The following CAB39L variants were observed in gnomAD, a reference collection of about 807,000 sequenced individuals.
The protein encoded by CAB39L is calcium-binding protein 39-like.
In CAB39L, 23 loss-of-function variants were observed where a neutral mutation model predicts 39.1. That is an observed-to-expected ratio of 0.59 (90% confidence interval 0.42 to 0.83). CAB39L has a LOEUF of 0.83. Ranked by LOEUF, CAB39L falls within the 40% of genes least tolerant of loss-of-function variation. The pLI is 0.00. For missense variants in CAB39L, 366 were observed against 391.9 expected (o/e 0.93, Z 0.56); for synonymous variants, 126 against 137.2 (o/e 0.92, Z 0.57).
intron 3 of CAB39L, among the ~76,000 whole-genome samples, chr13:49,393,809 T>C (rs1276982353): frequency 1.3e-5 from 2 of 151,976 alleles, no homozygotes; most frequent in Non-Finnish European, 2.9e-5. Flanking sequence ...TTTTTTGGTA[T>C]CTAAATTTAG....
At chr13:49,403,697 A>G (rs1956820237) in intron 3 of CAB39L, among the ~76,000 whole-genome samples, 1 of 152,158 alleles carries the variant, frequency 6.6e-6, no homozygotes, top group South Asian at 2.1e-4. Context: ...GAAAACATTT[A>G]TTCTGTTTCA....
chr13:49,398,937 A>C (rs993790448), intron 3 of CAB39L, among the ~76,000 whole-genome samples: 1 of 152,048 alleles, frequency 6.6e-6, no homozygotes, highest in Non-Finnish European at 1.5e-5. Context: ...TACTCATTCA[A>C]GGCAGCAACC....
intron 6 of CAB39L, among the ~76,000 whole-genome samples, chr13:49,355,541 T>C (rs1332543660): frequency 6.6e-6 from 1 of 152,080 alleles, no homozygotes; most frequent in African/African-American, 2.4e-5. Flanking sequence ...TTCAGGTCTT[T>C]GTCAGCAAAT....
chr13:49,359,249 C>T (rs192516689), intron 6 of CAB39L, among the ~76,000 whole-genome samples: 2 of 152,294 alleles, frequency 1.3e-5, no homozygotes, highest in Admixed American at 6.5e-5. Flanking sequence ...AGTTTTATGG[C>T]TTCCCTATAG....
At chr13:49,383,469 T>A (rs907630505) in intron 3 of CAB39L, among the ~76,000 whole-genome samples, 2 of 152,178 alleles carry the variant, frequency 1.3e-5, no homozygotes, top group African/African-American at 4.8e-5. Context: ...TTAAAAAACA[T>A]AAACTTATTC....
At chr13:49,349,106 T>C (rs1321133180) in intron 7 of CAB39L, among the ~76,000 whole-genome samples, 2 of 152,140 alleles carry the variant, frequency 1.3e-5, no homozygotes, top group Non-Finnish European at 2.9e-5. Flanking sequence ...CTGCAGATAA[T>C]AGGTAGTTTT....
Position 49,443,970 on chromosome 13 carries a change from G to A in CAB39L, c.-246+16C>T, listed in dbSNP as rs754957985. 4.4e-5 allele frequency: 20 copies of A among 456,648 alleles called. No homozygotes were observed. The highest frequency in any genetic ancestry group is 2.9e-4 in the South Asian group (19 of 64,560). 28.3% of individuals were successfully genotyped at this position (456,648 alleles called of 1,614,324 possible). A position where few individuals can be genotyped will look rare whatever the true frequency, so the allele number is the denominator to read the frequency against. ...CCCAGTCCCAGCCACACACAAGATG[G>A]CAGCCTCACACCTACCGGAGGAAAC... On this transcript the variant is annotated intron_variant, in intron 1 of 10. Coordinates refer to ENST00000409308, the MANE Select transcript of CAB39L (RefSeq NM_001079670.3).
intron 6 of CAB39L, among the ~76,000 whole-genome samples, chr13:49,353,911 G>A (rs182346328): frequency 4.6e-5 from 7 of 151,848 alleles, no homozygotes; most frequent in African/African-American, 1.2e-4. Context: ...TGTTTTTCAC[G>A]AAGCATGCAT....
intron 7 of CAB39L, among the ~76,000 whole-genome samples, chr13:49,346,334 GA>G (rs58683390): frequency 1.6e-3 from 180 of 112,408 alleles, no homozygotes; most frequent in Admixed American, 2.6e-3. Flanking sequence ...ATAACTGAGT[GA>G]AAAAAAAAAA....
intron 3 of CAB39L, among the ~76,000 whole-genome samples, chr13:49,411,804 G>A (rs1956995429): frequency 6.6e-6 from 1 of 152,146 alleles, no homozygotes; most frequent in Admixed American, 6.5e-5. Flanking sequence ...CCTTATCTAT[G>A]AGGAACATTC....
intron 3 of CAB39L, among the ~76,000 whole-genome samples, chr13:49,395,544 T>C (rs1214919563): frequency 6.6e-6 from 1 of 152,168 alleles, no homozygotes; most frequent in Non-Finnish European, 1.5e-5. Context: ...TCATGTCTTT[T>C]CAAAGCATTA....
At chr13:49,400,310 A>G (rs1956734746) in intron 3 of CAB39L, among the ~76,000 whole-genome samples, 1 of 152,050 alleles carries the variant, frequency 6.6e-6, no homozygotes, top group Non-Finnish European at 1.5e-5. Context: ...GCCTCCCTCC[A>G]TGCCTTTAAA....
intron 8 of CAB39L, among the ~76,000 whole-genome samples, chr13:49,343,548 G>A (rs1330070607): frequency 2.0e-5 from 3 of 151,544 alleles, no homozygotes; most frequent in Non-Finnish European, 4.4e-5. Context: ...AATAATACAA[G>A]GTGAAAAATA....
intron 7 of CAB39L, among the ~76,000 whole-genome samples, chr13:49,346,120 T>TATATATATATATATATATATC (rs10663110): frequency 0.015 from 1,330 of 88,390 alleles, 127 homozygotes; most frequent in Admixed American, 0.037. Context: ...TATATATATA[T>TATATATATATATATATATATC]ATATCATGGA....
chr13:49,324,786 A>G (rs933938254), intron 10 of CAB39L, among the ~76,000 whole-genome samples: 41 of 152,384 alleles, frequency 2.7e-4, no homozygotes, highest in African/African-American at 9.1e-4. Flanking sequence ...TGTTACTAAC[A>G]TTATTGTTAA....
chr13:49,402,829 G>A (rs558719464), intron 3 of CAB39L, among the ~76,000 whole-genome samples: 42 of 152,020 alleles, frequency 2.8e-4, no homozygotes, highest in Non-Finnish European at 3.2e-4. Flanking sequence ...TATCAAAGAC[G>A]ACTAGAGATT....
At chr13:49,433,968 T>C (rs888839902) in intron 2 of CAB39L, 118 bp downstream of exon 2, 7 of 334,930 alleles carry the variant, frequency 2.1e-5, no homozygotes, top group Admixed American at 4.5e-5. Context: ...CTCCACCACT[T>C]TTAGTTCGCA....
At chr13:49,395,334 C>G (rs1003579009) in intron 3 of CAB39L, among the ~76,000 whole-genome samples, 1 of 151,600 alleles carries the variant, frequency 6.6e-6, no homozygotes, top group Non-Finnish European at 1.5e-5. Context: ...CCCCCGGGTT[C>G]AAGCGATTCT....
At chr13:49,384,514 G>C (rs1253720303) in intron 3 of CAB39L, among the ~76,000 whole-genome samples, 2 of 152,106 alleles carry the variant, frequency 1.3e-5, no homozygotes. Context: ...ATCTTTTACA[G>C]CAGGTTTTTC....
Sources: allele counts gnomAD v4.1 joint callset (sites outside exome capture counted in the v4.1 genomes callset), GRCh38; gene constraint gnomAD v4.1.1; transcripts MANE v1.5; gene names NCBI Gene and HGNC (gene_info 2026-07-23, HGNC 2026-07-21).